The following RELN variants were observed in gnomAD, a reference collection of about 807,000 sequenced individuals.
The protein encoded by RELN is reelin.
A neutral mutation model predicts 427.6 loss-of-function variants in RELN; 108 were observed. The ratio of observed to expected loss-of-function variants is 0.25; its 90% CI spans 0.22 to 0.30. RELN has a LOEUF of 0.30. Ranked by LOEUF, RELN falls within the 10% of genes least tolerant of loss-of-function variation. The pLI is 1.00. For missense variants in RELN, 3,715 were observed against 4,302.8 expected (o/e 0.86, Z 3.82); for synonymous variants, 1,524 against 1,513.4 (o/e 1.01, Z -0.16).
intron 1 of RELN, among the ~76,000 whole-genome samples, chr7:103,934,779 T>C (rs557624694): frequency 4.6e-5 from 7 of 152,196 alleles, no homozygotes; most frequent in Admixed American, 1.3e-4. Context: ...TTCACTGATG[T>C]TGGATTCCCA....
At chr7:103,624,162 C>A (rs532599605) in intron 20 of RELN, among the ~76,000 whole-genome samples, 6 of 152,188 alleles carry the variant, frequency 3.9e-5, no homozygotes, top group African/African-American at 7.2e-5. Flanking sequence ...ATAAAATATA[C>A]AAATAATTTT....
chr7:103,962,208 T>C (rs1035407341), intron 1 of RELN, among the ~76,000 whole-genome samples: 20 of 152,058 alleles, frequency 1.3e-4, no homozygotes, highest in African/African-American at 4.8e-4. Flanking sequence ...TGTTCCCTGC[T>C]CACTGCCATC....
At chr7:103,962,297 A>G (rs1796573790) in intron 1 of RELN, among the ~76,000 whole-genome samples, 2 of 152,056 alleles carry the variant, frequency 1.3e-5, no homozygotes, top group African/African-American at 4.8e-5. Flanking sequence ...TCTCTCATGG[A>G]ACACATTCCT....
chr7:103,641,571 C>T (rs982712922), intron 16 of RELN, among the ~76,000 whole-genome samples: 1 of 152,154 alleles, frequency 6.6e-6, no homozygotes. Flanking sequence ...CAAATTCTGG[C>T]TTCACTCAGG....
In RELN at chr7:103,626,929, A is replaced by T. The variant is rs1832341795; in HGVS notation, c.2702+3011T>A. ...GAAAGTATTCAAAGAATTCAAAGCA[A>T]TTCATTTCTCCACTGGAAAAAAGTG... On this transcript the variant is annotated intron_variant, in intron 20 of 64. Coordinates refer to ENST00000428762, the MANE Select transcript of RELN (RefSeq NM_005045.4). This position sits in a 1 kb window ranked among gnomAD's most constrained non-coding sequence, Gnocchi z 4.4. Among the ~76,000 whole-genome samples, 2 of 152,074 alleles carry T rather than the reference A, an allele frequency of 1.3e-5. No individual in the cohort carries two copies. Among genetic ancestry groups the T allele is most frequent in the Admixed American group, 1.3e-4 (2 of 15,258 alleles).
At chr7:103,939,754 T>C (rs1034973248) in intron 1 of RELN, among the ~76,000 whole-genome samples, 1 of 152,176 alleles carries the variant, frequency 6.6e-6, no homozygotes, top group Non-Finnish European at 1.5e-5. Flanking sequence ...GTTCAAAGGA[T>C]GGTTATATTA....
chr7:103,523,165 A>C (rs914051786), intron 47 of RELN, among the ~76,000 whole-genome samples: 1 of 152,244 alleles, frequency 6.6e-6, no homozygotes, highest in African/African-American at 2.4e-5. Flanking sequence ...GTTAATTATA[A>C]TTCATCTGTC....
chr7:103,630,450 A>AGGATCTT (rs1159468164), intron 19 of RELN, among the ~76,000 whole-genome samples: 1 of 152,166 alleles, frequency 6.6e-6, no homozygotes, highest in Admixed American at 6.6e-5. Context: ...AGTCTAGTAA[A>AGGATCTT]GGATCTTGGA....
At position 103,878,150 on chromosome 7, in the gene RELN, C is replaced by T. The variant is rs190631736; in HGVS notation, c.337+38925G>A. On this transcript the variant is annotated intron_variant, in intron 2 of 64. Transcript: ENST00000428762. ...GGGATTACAGGCGTGAGCAACTGTG[C>T]CCAGCCTGGTCCCTCTTTTTAAAAC... 4.9e-3 allele frequency among the ~76,000 whole-genome samples: 740 copies of T among 152,198 alleles called. 4 individuals are homozygous for T. The highest frequency in any genetic ancestry group is 7.6e-3 in the Non-Finnish European group (517 of 68,002).
At position 103,650,292 on chromosome 7, in the gene RELN, T is replaced by A; in HGVS notation, c.1984A>T (p.Met662Leu). The A allele has an allele frequency of 6.2e-7, 1 of 1,606,372 alleles. No homozygotes were observed. Among genetic ancestry groups the A allele is most frequent in the Non-Finnish European group, 8.5e-7 (1 of 1,173,252 alleles). The change falls in exon 16 of 65, where the codon ATG (methionine) becomes TTG (leucine). Residue 662 changes from methionine (M) to leucine (L), a missense_variant. Coordinates refer to ENST00000428762, the MANE Select transcript of RELN (RefSeq NM_005045.4). ...CACTAACCATTATCAATTGCCCACATGTTTCCAAGGATTGGTCCTGTTTGT... is the reference window on the plus strand; with the variant it reads ...CACTAACCATTATCAATTGCCCACAAGTTTCCAAGGATTGGTCCTGTTTGT... ...WRQTGPILGN[M>L]WAIDNVYIGP...
intron 27 of RELN, among the ~76,000 whole-genome samples, chr7:103,591,598 A>C (rs1562909740): frequency 6.6e-6 from 1 of 152,192 alleles, no homozygotes; most frequent in Non-Finnish European, 1.5e-5. Flanking sequence ...CTTCTAACAC[A>C]AATTCCTTTT....
chr7:103,886,472 T>C lies in RELN; in HGVS notation c.337+30603A>G, dbSNP rs555517561. Among the ~76,000 whole-genome samples the C allele has an allele frequency of 2.0e-5, 3 of 152,334 alleles. No individual in the cohort carries two copies. The East Asian group carries it at 5.8e-4, about 29-fold the overall frequency. ...CTGTACTAACAAAAGGTAACCCCAA[T>C]TAGCCTTTTTCAATCAAGGGATTAT... is the stretch of plus-strand genomic sequence containing the variant. On this transcript the variant is annotated intron_variant, in intron 2 of 64. Transcript: ENST00000428762.
chr7:103,632,725 T>A (rs561860578), intron 19 of RELN, among the ~76,000 whole-genome samples: 41 of 152,218 alleles, frequency 2.7e-4, no homozygotes, highest in East Asian at 1.9e-4. Context: ...TAGATTTTTT[T>A]AAATGTTTTA....
intron 46 of RELN, among the ~76,000 whole-genome samples, chr7:103,528,127 TA>T (rs1225394759): frequency 6.6e-6 from 1 of 152,102 alleles, no homozygotes; most frequent in African/African-American, 2.4e-5. Context: ...CACCACAGCA[TA>T]AAAGGTGGAA....
rs1045500198 is a variant in RELN at position 103,611,901 on chromosome 7, T to C, written c.2703-98A>G. ...CACACTATATACCAAAATAATTTCA[T>C]TTTACTTGTTTAAACCTTGCCAAAT... is the stretch of plus-strand genomic sequence containing the variant. On this transcript the variant is annotated intron_variant, in intron 20 of 64. Coordinates refer to ENST00000428762, the MANE Select transcript of RELN (RefSeq NM_005045.4). 39 of 973,072 alleles carry C rather than the reference T, an allele frequency of 4.0e-5. No homozygotes were observed. The African/African-American group carries it at 5.8e-4, about 14-fold the overall frequency. The allele number at this position is 973,072 out of a possible 1,614,324, so 60.3% of individuals were successfully genotyped here. A position where few individuals can be genotyped will look rare whatever the true frequency, so the allele number is the denominator to read the frequency against.
In RELN at chr7:103,528,955, G is replaced by A. The variant is rs1042703816; in HGVS notation, c.7350-5424C>T. ...GATCAAGACCATCCTGGCCAACATG[G>A]TGAAACCCCGTCTCTACTAAAAATA... On this transcript the variant is annotated intron_variant, in intron 46 of 64. Transcript: ENST00000428762. 1.4e-4 allele frequency among the ~76,000 whole-genome samples: 20 copies of A among 147,656 alleles called. 1 individual carries two copies. The highest frequency in any genetic ancestry group is 3.4e-4 in the Admixed American group (5 of 14,794).
intron 3 of RELN, among the ~76,000 whole-genome samples, chr7:103,811,126 G>T (rs1392574976): frequency 6.6e-6 from 1 of 152,166 alleles, no homozygotes; most frequent in Non-Finnish European, 1.5e-5. Context: ...TGATTCATAT[G>T]TAACTACTTA....
At chr7:103,651,564 C>A in intron 15 of RELN, 97 bp downstream of exon 15, 1 of 1,214,928 alleles carries the variant, frequency 8.2e-7, no homozygotes. Context: ...GGTTTCTTAC[C>A]TATTATGACA....
At chr7:103,687,336 G>C (rs1833784319) in intron 10 of RELN, among the ~76,000 whole-genome samples, 1 of 152,098 alleles carries the variant, frequency 6.6e-6, no homozygotes, top group South Asian at 2.1e-4. Flanking sequence ...GGCACAGTGT[G>C]GGAGACTGCA....
Sources: allele counts gnomAD v4.1 joint callset (sites outside exome capture counted in the v4.1 genomes callset), GRCh38; gene constraint gnomAD v4.1.1; non-coding constraint Gnocchi (gnomAD v3.1); transcripts MANE v1.5; gene names NCBI Gene and HGNC (gene_info 2026-07-23, HGNC 2026-07-21).